The following ZNF69 variants were observed in gnomAD, a reference collection of about 807,000 sequenced individuals.
ZNF69 encodes the protein zinc finger protein 69.
Under a neutral mutation model 50.9 loss-of-function variants are expected in ZNF69, and 47 were observed. The observed-to-expected ratio is 0.92, with a 90% CI of 0.73 to 1.18. The LOEUF (loss-of-function observed/expected upper bound fraction) is 1.18, where lower values mean the gene tolerates loss of function less well. Among genes scored for constraint, ZNF69 ranks in the 50% most tolerant of loss-of-function variants. The probability of loss-of-function intolerance (pLI) is 0.00; values close to 1 mark genes in which losing one functional copy is unlikely to be tolerated. For missense variants in ZNF69, 717 were observed against 675.1 expected, an observed-to-expected ratio of 1.06 and a Z score of -0.69; for synonymous variants, 216 against 223.1, an observed-to-expected ratio of 0.97 and a Z score of 0.29.
the ZNF69 span, among the ~76,000 whole-genome samples, chr19:11,922,796 T>G: frequency 6.6e-6 from 1 of 151,390 alleles, no homozygotes; most frequent in Non-Finnish European, 1.5e-5. Flanking sequence ...CCCCGGGGAG[T>G]CTGGTGGGCT....
chr19:11,926,955 T>C, the ZNF69 span, among the ~76,000 whole-genome samples: 4 of 152,162 alleles, frequency 2.6e-5, no homozygotes, highest in Non-Finnish European at 5.9e-5. Flanking sequence ...CTTGCTTGTA[T>C]TACCAGGAAA....
the ZNF69 span, among the ~76,000 whole-genome samples, chr19:11,921,692 AG>A: frequency 6.6e-6 from 1 of 151,944 alleles, no homozygotes; most frequent in Non-Finnish European, 1.5e-5. Context: ...TAGTAGAGAC[AG>A]GGTTTCACCA....
chr19:11,925,126 C>T, the ZNF69 span: 2 of 1,534,396 alleles, frequency 1.3e-6, no homozygotes, highest in East Asian at 2.3e-5. Context: ...CCTCGCTGCG[C>T]GGGCGGCGGT....
chr19:11,888,560 G>A (rs924872207), intron 1 of ZNF69, among the ~76,000 whole-genome samples: 2 of 152,216 alleles, frequency 1.3e-5, no homozygotes, highest in Non-Finnish European at 2.9e-5. Context: ...GAAGCCTGGA[G>A]TAAGTGGTCC....
the ZNF69 span, among the ~76,000 whole-genome samples, chr19:11,943,700 C>T: frequency 3.4e-3 from 525 of 152,248 alleles, no homozygotes; most frequent in Non-Finnish European, 5.4e-3. Context: ...AACTAGAAAA[C>T]CGAAAGATTG....
chr19:11,948,557 G>T, the ZNF69 span: 1 of 1,608,906 alleles, frequency 6.2e-7, no homozygotes, highest in Admixed American at 1.7e-5. Flanking sequence ...TTCAGGTATC[G>T]CCCATCCATT....
the ZNF69 span, among the ~76,000 whole-genome samples, chr19:11,927,698 C>T: frequency 6.6e-6 from 1 of 152,146 alleles, no homozygotes; most frequent in African/African-American, 2.4e-5. Flanking sequence ...TAAAACATAA[C>T]TATAATTATC....
the ZNF69 span, among the ~76,000 whole-genome samples, chr19:11,934,587 C>T: frequency 3.7e-4 from 54 of 147,484 alleles, 7 homozygotes; most frequent in African/African-American, 1.4e-3. Context: ...AGTGCAATGG[C>T]GCAATCTCAG....
At chr19:11,939,440 A>G in the ZNF69 span, among the ~76,000 whole-genome samples, 6 of 152,222 alleles carry the variant, frequency 3.9e-5, no homozygotes, top group Admixed American at 3.3e-4. Flanking sequence ...AGCTTTCTAC[A>G]TATGGCTAGC....
chr19:11,937,701 G>A, the ZNF69 span, among the ~76,000 whole-genome samples: 4 of 151,838 alleles, frequency 2.6e-5, no homozygotes, highest in Non-Finnish European at 5.9e-5. Flanking sequence ...TGTTAGCCAG[G>A]ATGGTCTCGA....
downstream of ZNF69, among the ~76,000 whole-genome samples, chr19:11,915,686 C>A (rs1464068252): frequency 1.3e-5 from 2 of 151,834 alleles, no homozygotes; most frequent in Non-Finnish European, 2.9e-5. Flanking sequence ...GGTGGATCAT[C>A]TGAGGTTGGG....
At chr19:11,922,812 T>C in the ZNF69 span, among the ~76,000 whole-genome samples, 2 of 148,990 alleles carry the variant, frequency 1.3e-5, no homozygotes, top group Non-Finnish European at 3.0e-5. Flanking sequence ...GGGCTTTTTA[T>C]GGGTTTTTTT....
the ZNF69 span, chr19:11,925,177 G>A: frequency 1.2e-6 from 2 of 1,609,932 alleles, no homozygotes; most frequent in East Asian, 4.5e-5. Flanking sequence ...CCTGGTGCCT[G>A]TACCCAGGCT....
chr19:11,935,511 C>T, the ZNF69 span, among the ~76,000 whole-genome samples: 1,483 of 152,138 alleles, frequency 9.7e-3, 17 homozygotes, highest in Middle Eastern at 0.02. Flanking sequence ...GGATTATAGG[C>T]ATGAGCCACT....
At chr19:11,889,742 C>T (rs1013427191) in intron 1 of ZNF69, among the ~76,000 whole-genome samples, 1 of 152,178 alleles carries the variant, frequency 6.6e-6, no homozygotes, top group Admixed American at 6.5e-5. Context: ...GGGACCGGCG[C>T]TCAACATGCG....
chr19:11,968,072 A>G, the ZNF69 span, among the ~76,000 whole-genome samples: 1 of 152,156 alleles, frequency 6.6e-6, no homozygotes, highest in Non-Finnish European at 1.5e-5. Flanking sequence ...AATGTCAAAC[A>G]TGTTATGACC....
At chr19:11,903,871 G>T in intron 2 of ZNF69, 34 bp from the exon 3 acceptor site, 1 of 1,610,704 alleles carries the variant, frequency 6.2e-7, no homozygotes, top group South Asian at 1.1e-5. Context: ...ATTTTATACT[G>T]CCTCAGGACT....
At chr19:11,925,388 A>T in the ZNF69 span, 29 of 1,507,742 alleles carry the variant, frequency 1.9e-5, no homozygotes, top group Non-Finnish European at 2.6e-5. Context: ...TCTGGGACCG[A>T]GTCCTCCTTG....
intron 1 of ZNF69, among the ~76,000 whole-genome samples, chr19:11,897,728 C>T (rs1377157994): frequency 6.7e-6 from 1 of 150,170 alleles, no homozygotes; most frequent in Non-Finnish European, 1.5e-5. Flanking sequence ...AAAAATTAGC[C>T]GAGCGTGGTG....
Sources: allele counts gnomAD v4.1 joint callset (sites outside exome capture counted in the v4.1 genomes callset), GRCh38; gene constraint gnomAD v4.1.1; transcripts MANE v1.5; gene names NCBI Gene and HGNC (gene_info 2026-07-23, HGNC 2026-07-21).